The following RBM19 variants were observed in gnomAD, a reference collection of about 807,000 sequenced individuals.
RBM19 encodes probable RNA-binding protein 19.
Under a neutral mutation model 116.8 loss-of-function variants are expected in RBM19, and 94 were observed. The observed-to-expected ratio is 0.80, with a 90% CI of 0.68 to 0.95. RBM19 has a LOEUF of 0.95. RBM19 is among the 40% of genes least tolerant of loss of function. RBM19 has a pLI of 0.00. For synonymous variants in RBM19, 475 were observed against 494.1 expected (o/e 0.96, Z 0.51); for missense variants, 1,161 against 1,220.7 (o/e 0.95, Z 0.73).
intron 15 of RBM19, 189 bp from the exon 16 acceptor site, chr12:113,937,325 A>G (rs4767170): frequency 0.59 from 348,299 of 585,810 alleles, 106,144 homozygotes; most frequent in East Asian, 0.85. Context: ...TTCGGCCCCC[A>G]TGCTGCATCT....
At chr12:113,844,093 C>T (rs1000302008) in intron 23 of RBM19, among the ~76,000 whole-genome samples, 1 of 152,224 alleles carries the variant, frequency 6.6e-6, no homozygotes, top group African/African-American at 2.4e-5. Context: ...AGCGGGCGCT[C>T]AGTATTTTCT....
downstream of RBM19, among the ~76,000 whole-genome samples, chr12:113,821,738 G>C (rs1450028973): frequency 1.3e-5 from 2 of 151,916 alleles, no homozygotes; most frequent in Non-Finnish European, 2.9e-5. Context: ...ACTGCACCCT[G>C]TCTCTAAAAA....
rs146764943 is a variant in RBM19 at position 113,960,083 on chromosome 12, G to T, written c.315C>A (p.Asp105Glu). 5.0e-5 allele frequency: 81 copies of T among 1,614,106 alleles called. No individual in the cohort carries two copies. Among genetic ancestry groups the T allele is most frequent in the Middle Eastern group, 4.9e-4 (3 of 6,082 alleles). The part of the protein sequence containing the change: ...KPSQPKQPPK[D>E]STTPEIKKDE... ...CTTTCTTAATTTCTGGAGTAGTAGA[G>T]TCTTTTGGAGGCTGCTTGGGCTGGC... Residue 105 changes from aspartate to glutamate, a missense_variant, in exon 3 of 24, where the codon GAC becomes GAA. Asp to Glu is a conservative substitution (Grantham distance 45). Coordinates refer to ENST00000261741, the MANE Select transcript of RBM19 (RefSeq NM_016196.4).
chr12:113,890,115 TC>T (rs1165822217), intron 21 of RBM19, among the ~76,000 whole-genome samples: 1 of 151,802 alleles, frequency 6.6e-6, no homozygotes, highest in Non-Finnish European at 1.5e-5. Context: ...CCTCTCTCAT[TC>T]CCCCCTCCCT....
At chr12:113,844,388 G>C (rs970331841) in intron 23 of RBM19, among the ~76,000 whole-genome samples, 1 of 152,212 alleles carries the variant, frequency 6.6e-6, no homozygotes, top group South Asian at 2.1e-4. Flanking sequence ...TCTGACCTCT[G>C]TCTCTTCCTG....
chr12:113,877,721 G>C (rs1879774307), intron 21 of RBM19, among the ~76,000 whole-genome samples: 1 of 152,208 alleles, frequency 6.6e-6, no homozygotes, highest in South Asian at 2.1e-4. Context: ...GCAGCCCCAG[G>C]ATGAGAGCTC....
At chr12:113,855,581 G>C (rs1039632780) in intron 22 of RBM19, among the ~76,000 whole-genome samples, 8 of 152,150 alleles carry the variant, frequency 5.3e-5, no homozygotes, top group Non-Finnish European at 8.8e-5. Context: ...CTGAGCCCTG[G>C]GAAGGGTTTT....
chr12:113,908,352 G>A (rs1284796831), intron 21 of RBM19, among the ~76,000 whole-genome samples: 1 of 152,022 alleles, frequency 6.6e-6, no homozygotes, highest in African/African-American at 2.4e-5. Flanking sequence ...GCATGAGTGA[G>A]CAAGCTGTCC....
At chr12:113,907,023 G>A (rs1038447478) in intron 21 of RBM19, among the ~76,000 whole-genome samples, 9 of 152,108 alleles carry the variant, frequency 5.9e-5, no homozygotes, top group Admixed American at 6.5e-5. Flanking sequence ...AGGAGCGGGA[G>A]GAAGCGAGGA....
chr12:113,884,776 A>G (rs898587038), intron 21 of RBM19, among the ~76,000 whole-genome samples: 6 of 152,366 alleles, frequency 3.9e-5, no homozygotes, highest in Non-Finnish European at 7.3e-5. Flanking sequence ...CGAAAAAAAA[A>G]GATGGGGACA....
At position 113,822,092 on chromosome 12, in the gene RBM19, C is replaced by G. The variant is rs1249072236; in HGVS notation, c.*1132G>C. On this transcript the variant is annotated 3_prime_UTR_variant, in exon 24 of 24. Transcript: ENST00000261741. The stretch of plus-strand genomic sequence containing the variant: ...CTTCTCTGGGCTTTACTTGGCTTGA[C>G]TCACTTAATTCTGGCACTGTCTATC... 6.6e-6 allele frequency: 1 copy of G among 152,260 alleles called. No homozygotes were observed. The highest frequency in any genetic ancestry group is 1.5e-5 in the Non-Finnish European group (1 of 68,058). 9.4% of individuals were successfully genotyped at this position (152,260 alleles called of 1,614,324 possible).
chr12:113,926,245 C>A (rs984903508), intron 17 of RBM19, among the ~76,000 whole-genome samples: 2 of 152,182 alleles, frequency 1.3e-5, no homozygotes, highest in Non-Finnish European at 2.9e-5. Flanking sequence ...TCTCTTGACC[C>A]CATGATCGAA....
chr12:113,861,808 A>G (rs932003020), intron 21 of RBM19, among the ~76,000 whole-genome samples: 3 of 152,152 alleles, frequency 2.0e-5, no homozygotes, highest in Non-Finnish European at 2.9e-5. Context: ...GGCACCCTGG[A>G]TCTACCAGGG....
downstream of RBM19, among the ~76,000 whole-genome samples, chr12:113,821,834 G>T (rs1874435522): frequency 6.6e-6 from 1 of 152,170 alleles, no homozygotes; most frequent in Non-Finnish European, 1.5e-5. Context: ...TGGCTAAGGG[G>T]GTGCCTGCCC....
chr12:113,867,022 T>C (rs1296943179), intron 21 of RBM19, among the ~76,000 whole-genome samples: 1 of 152,216 alleles, frequency 6.6e-6, no homozygotes, highest in Non-Finnish European at 1.5e-5. Flanking sequence ...TATCCCTAAA[T>C]AAGGAATCCT....
At chr12:113,833,279 C>A (rs904242972) in intron 23 of RBM19, among the ~76,000 whole-genome samples, 5 of 152,226 alleles carry the variant, frequency 3.3e-5, no homozygotes, top group Non-Finnish European at 5.9e-5. Context: ...GCTGGCTCTA[C>A]CTTTACCCAA....
chr12:113,823,220 C>T lies in RBM19; in HGVS notation c.*4G>A. ...CCGGAGCCACACACCCTCTCGGTGC[C>T]AGCTCACAGCTGAAGGGTCTGCTCC... On this transcript the variant is annotated 3_prime_UTR_variant, in exon 24 of 24. Coordinates refer to ENST00000261741, the MANE Select transcript of RBM19 (RefSeq NM_016196.4). The T allele has an allele frequency of 6.2e-7, 1 of 1,608,838 alleles. No homozygotes were observed. The highest frequency in any genetic ancestry group is 2.2e-5 in the East Asian group (1 of 44,878).
chr12:113,965,642 T>C (rs937740116), intron 1 of RBM19, among the ~76,000 whole-genome samples: 1 of 152,128 alleles, frequency 6.6e-6, no homozygotes, highest in Non-Finnish European at 1.5e-5. Flanking sequence ...ACGTGTCGGG[T>C]TCTGCGCTGG....
chr12:113,890,066 A>C (rs1457802022), intron 21 of RBM19, among the ~76,000 whole-genome samples: 1 of 152,196 alleles, frequency 6.6e-6, no homozygotes, highest in Non-Finnish European at 1.5e-5. Flanking sequence ...TAATTCAATA[A>C]ATGAACTCTG....
Sources: gnomAD v4.1 joint callset for allele counts (sites outside exome capture counted in the v4.1 genomes callset) on GRCh38, gnomAD v4.1.1 for gene constraint, MANE v1.5 for transcripts, NCBI Gene and HGNC (gene_info 2026-07-23, HGNC 2026-07-21) for gene names.